The following SLC1A7 variants were observed in gnomAD, a reference collection of about 807,000 sequenced individuals.
SLC1A7 encodes excitatory amino acid transporter 5.
In SLC1A7, 40 loss-of-function variants were observed where a neutral mutation model predicts 47.7. That is an observed-to-expected ratio of 0.84 (90% CI 0.65 to 1.09). The LOEUF is 1.09. SLC1A7 is among the 50% of genes least tolerant of loss of function. The pLI, the probability that SLC1A7 is intolerant of heterozygous loss-of-function variation, is 0.00. For synonymous variants in SLC1A7, 323 were observed against 325.6 expected, an observed-to-expected ratio of 0.99 and a Z score of 0.09; for missense variants, 746 against 769.5, an observed-to-expected ratio of 0.97 and a Z score of 0.36.
intron 2 of SLC1A7, among the ~76,000 whole-genome samples, chr1:53,116,491 A>G (rs1310449031): frequency 2.0e-5 from 3 of 152,228 alleles, no homozygotes; most frequent in Non-Finnish European, 2.9e-5. Context: ...ATCTCTGCTC[A>G]TCCTCATCTG....
intron 5 of SLC1A7, among the ~76,000 whole-genome samples, chr1:53,098,476 G>A (rs1303433944): frequency 2.3e-5 from 3 of 133,230 alleles, no homozygotes; most frequent in Admixed American, 7.5e-5. Flanking sequence ...CTGCCTCAAT[G>A]CATTCACACA....
intron 1 of SLC1A7, among the ~76,000 whole-genome samples, chr1:53,138,948 G>A (rs559674394): frequency 2.6e-5 from 4 of 152,204 alleles, no homozygotes; most frequent in African/African-American, 9.6e-5. Context: ...AAGCTTAAGA[G>A]GAGATTTACA....
chr1:53,099,021 T>C (rs1218707500), intron 5 of SLC1A7, among the ~76,000 whole-genome samples: 2 of 146,204 alleles, frequency 1.4e-5, no homozygotes, highest in African/African-American at 5.1e-5. Flanking sequence ...TTATACTGCC[T>C]CAAAACACTC....
In SLC1A7 at chr1:53,114,958, A is replaced by G; in HGVS notation, c.231T>C (p.Leu77=). 6.2e-7 allele frequency: 1 copy of G among 1,613,900 alleles called. No individual in the cohort carries two copies. Among genetic ancestry groups the G allele is most frequent in the Non-Finnish European group, 8.5e-7 (1 of 1,180,002 alleles). Residue 77 remains leucine (L), a synonymous_variant, in exon 3 of 11, where the codon CTT becomes CTC. Transcript: ENST00000371494. ...TAGAGGTCTTGGCATCCAGGGAGGC[A>G]AGTCCGGACATCAAGCTGGGAGGGC... ...PLVVSSLMSG[L]ASLDAKTSSR...
chr1:53,142,024 C>T (rs1010190116), intron 1 of SLC1A7, among the ~76,000 whole-genome samples: 14 of 152,278 alleles, frequency 9.2e-5, no homozygotes, highest in Non-Finnish European at 1.9e-4. Flanking sequence ...CCTCTTTCCC[C>T]GCCACAGCTC....
chr1:53,112,866 G>A (rs530558746), intron 3 of SLC1A7, among the ~76,000 whole-genome samples: 29 of 152,290 alleles, frequency 1.9e-4, no homozygotes, highest in African/African-American at 6.5e-4. Context: ...TGAGAGATGC[G>A]AGAGAGAAGA....
intron 1 of SLC1A7, among the ~76,000 whole-genome samples, chr1:53,140,195 G>A (rs1198982008): frequency 1.3e-5 from 2 of 152,180 alleles, no homozygotes; most frequent in African/African-American, 4.8e-5. Context: ...CAATTTATCT[G>A]GCAGGTTAAT....
chr1:53,102,971 T>C (rs1323991698), intron 5 of SLC1A7: 8 of 170,598 alleles, frequency 4.7e-5, no homozygotes, highest in Admixed American at 1.2e-4. Flanking sequence ...GAAGCTTGTA[T>C]AATTTGGGAC....
chr1:53,117,520 T>A (rs1390527101), intron 2 of SLC1A7, among the ~76,000 whole-genome samples: 2 of 152,190 alleles, frequency 1.3e-5, no homozygotes, highest in African/African-American at 2.4e-5. Flanking sequence ...ATAGCAGCCA[T>A]CCGGAGTGAT....
At chr1:53,095,976 C>T (rs1020024767) in intron 5 of SLC1A7, among the ~76,000 whole-genome samples, 1 of 148,708 alleles carries the variant, frequency 6.7e-6, no homozygotes, top group Non-Finnish European at 1.5e-5. Flanking sequence ...TTCACACACA[C>T]CACCTTGGTA....
At chr1:53,104,398 A>C (rs1644616660) in intron 4 of SLC1A7, among the ~76,000 whole-genome samples, 1 of 152,188 alleles carries the variant, frequency 6.6e-6, no homozygotes, top group Non-Finnish European at 1.5e-5. Context: ...GAGATACACA[A>C]ATGAACCTGA....
chr1:53,122,663 C>A (rs564932143), intron 2 of SLC1A7, among the ~76,000 whole-genome samples: 10 of 152,222 alleles, frequency 6.6e-5, no homozygotes, highest in Non-Finnish European at 1.2e-4. Flanking sequence ...AAGTCTGGGC[C>A]ATCTCGTCTC....
In SLC1A7 at chr1:53,088,997, G is replaced by A; in HGVS notation, c.1362-18C>T. 2 of 1,605,578 alleles carry A rather than the reference G, an allele frequency of 1.2e-6. No homozygotes were observed. The highest frequency in any genetic ancestry group is 1.7e-6 in the Non-Finnish European group (2 of 1,172,496). ...AACGGTCCCTGGTGAGCCAAGGTTG[G>A]GGGTGAGTGGTGGGCACTTGAAGGG... On this transcript the variant is annotated intron_variant, in intron 9 of 10. Transcript: ENST00000371494.
At chr1:53,133,382 G>C (rs1644960253) in intron 2 of SLC1A7, among the ~76,000 whole-genome samples, 1 of 152,166 alleles carries the variant, frequency 6.6e-6, no homozygotes, top group Admixed American at 6.5e-5. Flanking sequence ...TGCTTGCAAA[G>C]GCCTCTGTGC....
chr1:53,088,893 CG>C lies in SLC1A7; in HGVS notation c.1447del (p.Arg483GlyfsTer16), dbSNP rs773223210. 1.2e-6 allele frequency: 2 copies of C among 1,613,862 alleles called. No homozygotes were observed. The highest frequency in any genetic ancestry group is 2.2e-5 in the South Asian group (2 of 91,068). On this transcript the variant is annotated frameshift_variant, in exon 10 of 11. Coordinates refer to ENST00000371494, the MANE Select transcript of SLC1A7 (RefSeq NM_006671.6). LOFTEE classifies it high-confidence loss of function. Reference protein sequence around the residue: ...MAHICRKDFARDTGTEKLLPC... With the variant: ...MAHICRKDFAXDTGTEKLLPC... ...TGCTCTCACCTCGGTGCCTGTGTCCCGGGCAAAATCCTTCCGACATATATGG... is the reference window on the plus strand; with the variant it reads ...TGCTCTCACCTCGGTGCCTGTGTCCCGGCAAAATCCTTCCGACATATATGG...
chr1:53,090,780 T>G lies in SLC1A7; in HGVS notation c.1058A>C (p.Lys353Thr), dbSNP rs1244609426. 1 of 1,612,906 alleles carries G rather than the reference T, an allele frequency of 6.2e-7. No individual in the cohort carries two copies. The change falls in exon 8 of 11, where the codon AAG becomes ACG. Residue 353 changes from lysine to threonine, a missense_variant. Physicochemically the swap from Lys to Thr is moderately conservative, Grantham distance 78 (BLOSUM62 -1). Coordinates refer to ENST00000371494, the MANE Select transcript of SLC1A7 (RefSeq NM_006671.6). Reference sequence around the variant, plus strand: ...GATGTGGTTGTTCTCCAGCAGGCACTTGAAGGTGATGGGCAGTGTGGCTGA... The same window carrying G: ...GATGTGGTTGTTCTCCAGCAGGCACGTGAAGGTGATGGGCAGTGTGGCTGA... The part of the protein sequence containing the change: ...SSSATLPITF[K>T]CLLENNHIDR...
rs560157111 is a variant in SLC1A7 at position 53,091,017 on chromosome 1, T to C, written c.1032-211A>G. On this transcript the variant is annotated intron_variant, in intron 7 of 10. Transcript: ENST00000371494. ...GAGGTGTTTGGGTGCATTTTACAGATGAGGAAGCTGACGCCCAGAGGGCGG... is the reference window on the plus strand; with the variant it reads ...GAGGTGTTTGGGTGCATTTTACAGACGAGGAAGCTGACGCCCAGAGGGCGG... The C allele has an allele frequency of 5.7e-6, 8 of 1,412,774 alleles. No individual in the cohort carries two copies. The East Asian group carries it at 1.3e-4, about 22-fold the overall frequency. 87.5% of individuals were successfully genotyped at this position (1,412,774 alleles called of 1,614,324 possible).
chr1:53,122,023 TG>T (rs1478921332), intron 2 of SLC1A7, among the ~76,000 whole-genome samples: 1 of 137,762 alleles, frequency 7.3e-6, no homozygotes, highest in Non-Finnish European at 1.6e-5. Context: ...GCTGGGGGGC[TG>T]GGGGGCAGGT....
At chr1:53,109,941 G>T (rs113051907) in intron 3 of SLC1A7, among the ~76,000 whole-genome samples, 197 of 152,266 alleles carry the variant, frequency 1.3e-3, no homozygotes, top group African/African-American at 4.3e-3. Context: ...GCTCCTCCCA[G>T]GGCACCCCAT....
Sources: allele counts gnomAD v4.1 joint callset (sites outside exome capture counted in the v4.1 genomes callset), GRCh38; gene constraint gnomAD v4.1.1; transcripts MANE v1.5; gene names NCBI Gene and HGNC (gene_info 2026-07-23, HGNC 2026-07-21).